The following LINGO1 variants were observed in gnomAD, a reference collection of about 807,000 sequenced individuals.
LINGO1 encodes the protein leucine-rich repeat and immunoglobulin-like domain-containing nogo receptor-interacting protein 1.
LINGO1 carries 11 observed loss-of-function variants against 37.3 expected under a neutral mutation model. That is an observed-to-expected ratio of 0.29 (90% CI 0.19 to 0.49). LINGO1 has a LOEUF of 0.49. Ranked by LOEUF, LINGO1 falls within the 20% of genes least tolerant of loss-of-function variation. The probability of loss-of-function intolerance (pLI) is 0.99; values close to 1 mark genes in which losing one functional copy is unlikely to be tolerated. For synonymous variants in LINGO1, 387 were observed against 403.0 expected, an observed-to-expected ratio of 0.96 and a Z score of 0.48; for missense variants, 585 against 878.2, an observed-to-expected ratio of 0.67 and a Z score of 4.22.
chr15:77,699,554 C>CAT (rs2075745825), upstream of LINGO1, among the ~76,000 whole-genome samples: 4 of 11,894 alleles, frequency 3.4e-4, no homozygotes, highest in Admixed American at 1.8e-3. Context: ...TACTAACCAT[C>CAT]CCTGCACACA....
At chr15:77,708,538 A>G (rs922786340) in intron 2 of LINGO1, among the ~76,000 whole-genome samples, 21 of 152,214 alleles carry the variant, frequency 1.4e-4, no homozygotes, top group Admixed American at 1.4e-3. Flanking sequence ...GGGTCTTTGC[A>G]GAGGTAATTA....
chr15:77,779,765 C>A (rs369640630), intron 1 of LINGO1, among the ~76,000 whole-genome samples: 1 of 152,186 alleles, frequency 6.6e-6, no homozygotes, highest in South Asian at 2.1e-4. Context: ...GCCAGTCCCC[C>A]GGGGGTTGTG....
chr15:77,696,102 G>C (rs757500779), intron 1 of LINGO1: 1 of 152,100 alleles, frequency 6.6e-6, no homozygotes, highest in Non-Finnish European at 1.5e-5. Context: ...ATGATCTGTC[G>C]GCTTCTATTA....
At chr15:77,685,278 C>A (rs1052865290) in intron 2 of LINGO1, among the ~76,000 whole-genome samples, 1 of 152,136 alleles carries the variant, frequency 6.6e-6, no homozygotes, top group African/African-American at 2.4e-5. Flanking sequence ...AGGATCTGAG[C>A]TTGTCAGGCC....
intron 2 of LINGO1, among the ~76,000 whole-genome samples, chr15:77,689,080 A>T (rs2141245863): frequency 6.6e-6 from 1 of 152,326 alleles, no homozygotes; most frequent in Admixed American, 6.5e-5. Flanking sequence ...GGCCTTGAAA[A>T]GCAGGAAAGG....
At chr15:77,752,435 GCAAAAGCAACA>G (rs1263576090) in intron 1 of LINGO1, among the ~76,000 whole-genome samples, 2 of 152,206 alleles carry the variant, frequency 1.3e-5, no homozygotes, top group Non-Finnish European at 2.9e-5. Flanking sequence ...CAGGCAGCTG[GCAAAAGCAACA>G]CAAATCGATG....
intron 1 of LINGO1, among the ~76,000 whole-genome samples, chr15:77,813,401 TG>T (rs1199163034): frequency 1.3e-5 from 2 of 152,004 alleles, no homozygotes; most frequent in Non-Finnish European, 2.9e-5. Context: ...GAGAGAGGGC[TG>T]GGGTGGGACA....
intron 3 of LINGO1, among the ~76,000 whole-genome samples, chr15:77,664,926 T>A (rs2075097229): frequency 6.6e-6 from 1 of 152,146 alleles, no homozygotes; most frequent in Admixed American, 6.5e-5. Flanking sequence ...TTCAGACTTG[T>A]AAACACACAG....
intron 1 of LINGO1, among the ~76,000 whole-genome samples, chr15:77,818,060 G>T (rs1039992392): frequency 6.6e-6 from 1 of 152,172 alleles, no homozygotes. Flanking sequence ...GTTCACAGGC[G>T]AGTGGCAGGA....
chr15:77,669,189 A>T (rs1191153963), intron 3 of LINGO1, among the ~76,000 whole-genome samples: 1 of 152,186 alleles, frequency 6.6e-6, no homozygotes. Flanking sequence ...CCTGTCTCTC[A>T]CCTGCTCCCA....
intron 3 of LINGO1, among the ~76,000 whole-genome samples, chr15:77,650,698 G>T (rs748641730): frequency 1.3e-5 from 2 of 152,220 alleles, no homozygotes; most frequent in Non-Finnish European, 2.9e-5. Context: ...TGCATCCAAA[G>T]TTGGAGAATC....
At chr15:77,649,315 T>C (rs1035292118) in intron 3 of LINGO1, 1 of 152,262 alleles carries the variant, frequency 6.6e-6, no homozygotes, top group African/African-American at 2.4e-5. Flanking sequence ...AATGTAAATG[T>C]CCATTCTTTG....
chr15:77,721,629 C>G (rs1397887040), intron 2 of LINGO1, among the ~76,000 whole-genome samples: 1 of 152,166 alleles, frequency 6.6e-6, no homozygotes, highest in Non-Finnish European at 1.5e-5. Context: ...ATCCCCAGTG[C>G]CTACCACAGT....
At chr15:77,778,076 C>T (rs1178974774) in intron 1 of LINGO1, among the ~76,000 whole-genome samples, 4 of 152,214 alleles carry the variant, frequency 2.6e-5, no homozygotes, top group Admixed American at 2.0e-4. Context: ...TGGGCCAAAA[C>T]CAAAGTGTTG....
At chr15:77,661,558 C>A (rs554630374) in intron 3 of LINGO1, among the ~76,000 whole-genome samples, 1 of 152,198 alleles carries the variant, frequency 6.6e-6, no homozygotes, top group Non-Finnish European at 1.5e-5. Flanking sequence ...TGAGACTCAG[C>A]GCCAGACACT....
Position 77,615,815 on chromosome 15 carries a change from A to G in LINGO1, c.92T>C (p.Leu31Pro). Reference sequence around the variant, plus strand: ...GGCCGAGCCTGACAGCACTGAGCCCAGCACCAGCAGGAGGATGGGCTGCCA... The same window carrying G: ...GGCCGAGCCTGACAGCACTGAGCCCGGCACCAGCAGGAGGATGGGCTGCCA... ...ACWQPILLLV[L>P]GSVLSGSATG... The change falls in exon 2 of 2, where the codon CTG (leucine) becomes CCG (proline). Residue 31 changes from leucine (L) to proline (P), a missense_variant. Physicochemically the swap from Leu to Pro is moderately conservative, Grantham distance 98. Coordinates refer to ENST00000355300, the MANE Select transcript of LINGO1 (RefSeq NM_032808.7). 1 of 1,539,770 alleles carries G rather than the reference A, an allele frequency of 6.5e-7. No homozygotes were observed. The highest frequency in any genetic ancestry group is 8.7e-7 in the Non-Finnish European group (1 of 1,151,034).
At chr15:77,639,301 T>C (rs1235247427), upstream of LINGO1, among the ~76,000 whole-genome samples, 2 of 152,152 alleles carry the variant, frequency 1.3e-5, no homozygotes, top group African/African-American at 4.8e-5. Flanking sequence ...TGATTTGTTA[T>C]GCAGCAATAG....
At chr15:77,727,366 A>G (rs1052674390) in intron 2 of LINGO1, among the ~76,000 whole-genome samples, 2 of 152,234 alleles carry the variant, frequency 1.3e-5, no homozygotes, top group Non-Finnish European at 2.9e-5. Context: ...TGAACAGATA[A>G]ACAAAATGTG....
At chr15:77,692,472 G>A (rs1042395766) in intron 1 of LINGO1, among the ~76,000 whole-genome samples, 1 of 152,108 alleles carries the variant, frequency 6.6e-6, no homozygotes, top group African/African-American at 2.4e-5. Context: ...GCAATTGAAC[G>A]GAAAAAGTTC....
Sources: allele counts gnomAD v4.1 joint callset (sites outside exome capture counted in the v4.1 genomes callset), GRCh38; gene constraint gnomAD v4.1.1; transcripts MANE v1.5; gene names NCBI Gene and HGNC (gene_info 2026-07-23, HGNC 2026-07-21).